PLAAT5: variants seen among roughly 807,000 people sequenced by gnomAD.
PLAAT5 encodes phospholipase A and acyltransferase 5, also known as Ca(2+)-independent N-acyltransferase.
PLAAT5 carries 27 observed loss-of-function variants against 27.8 expected under a neutral mutation model. The observed-to-expected ratio is 0.97, with a 90% confidence interval of 0.72 to 1.34. The LOEUF is 1.34. Ranked by LOEUF, PLAAT5 falls within the 40% of genes most tolerant of loss-of-function variation. The pLI is 0.00. For synonymous variants in PLAAT5, 125 were observed against 136.1 expected, an observed-to-expected ratio of 0.92 and a Z score of 0.57; for missense variants, 368 against 343.8, an observed-to-expected ratio of 1.07 and a Z score of -0.56.
At chr11:63,485,359 C>T (rs2016408411) in intron 3 of PLAAT5, among the ~76,000 whole-genome samples, 1 of 152,198 alleles carries the variant, frequency 6.6e-6, no homozygotes, top group East Asian at 1.9e-4. Context: ...CTTGAGGCAT[C>T]ACATTACCTG....
chr11:63,478,636 C>T (rs548187587), intron 3 of PLAAT5, among the ~76,000 whole-genome samples: 65 of 152,350 alleles, frequency 4.3e-4, no homozygotes, highest in African/African-American at 1.4e-3. Flanking sequence ...TAAATTAACC[C>T]TTCTCAATCT....
intron 3 of PLAAT5, among the ~76,000 whole-genome samples, chr11:63,479,468 T>C (rs1362672674): frequency 6.6e-6 from 1 of 152,244 alleles, no homozygotes; most frequent in Non-Finnish European, 1.5e-5. Context: ...GGTTCAACAT[T>C]TGCATGTGCA....
At chr11:63,470,605 C>T (rs1482438588) in intron 3 of PLAAT5, 1 of 154,276 alleles carries the variant, frequency 6.5e-6, no homozygotes, top group African/African-American at 2.4e-5. Context: ...TGTGGCAAAG[C>T]CTTTAAATGG....
At chr11:63,487,780 A>G (rs2264666) in intron 3 of PLAAT5, among the ~76,000 whole-genome samples, 139,627 of 152,284 alleles carry the variant, frequency 0.92, 64,143 homozygotes, top group African/African-American at 0.97. Context: ...GTATATCCAT[A>G]CAATGAAATA....
At chr11:63,464,305 G>GA (rs2015795457) in intron 5 of PLAAT5, among the ~76,000 whole-genome samples, 1 of 151,914 alleles carries the variant, frequency 6.6e-6, no homozygotes, top group African/African-American at 2.4e-5. Flanking sequence ...AAGAAACATA[G>GA]AAAAAAAATA....
At chr11:63,472,767 A>G (rs921948331) in intron 3 of PLAAT5, among the ~76,000 whole-genome samples, 6 of 152,182 alleles carry the variant, frequency 3.9e-5, no homozygotes, top group African/African-American at 1.2e-4. Flanking sequence ...ATTTTTGTAC[A>G]TTAGCCTTAT....
At chr11:63,477,205 T>C (rs929097343) in intron 3 of PLAAT5, among the ~76,000 whole-genome samples, 1 of 152,006 alleles carries the variant, frequency 6.6e-6, no homozygotes, top group Non-Finnish European at 1.5e-5. Flanking sequence ...TAGGAAACAG[T>C]CTCTACTGTT....
chr11:63,463,352 G>A lies in PLAAT5; in HGVS notation c.*151C>T. 2 of 692,806 alleles carry A rather than the reference G, an allele frequency of 2.9e-6. No individual in the cohort carries two copies. Among genetic ancestry groups the A allele is most frequent in the South Asian group, 3.3e-5 (2 of 61,420 alleles). 42.9% of individuals were successfully genotyped at this position (692,806 alleles called of 1,614,324 possible). A position where few individuals can be genotyped will look rare whatever the true frequency, so the allele number is the denominator to read the frequency against. On this transcript the variant is annotated 3_prime_UTR_variant, in exon 6 of 6. Coordinates refer to ENST00000540857, the MANE Select transcript of PLAAT5 (RefSeq NM_001146729.2). Reference sequence around the variant, plus strand: ...GGGTCTATGCTCGTATATATTGGATGTATTTCTGGAAGGGTAATTGGATAC... The same window carrying A: ...GGGTCTATGCTCGTATATATTGGATATATTTCTGGAAGGGTAATTGGATAC...
intron 2 of PLAAT5, 136 bp downstream of exon 2, chr11:63,490,107 G>GC: frequency 8.8e-7 from 1 of 1,139,908 alleles, no homozygotes; most frequent in Non-Finnish European, 1.3e-6. Flanking sequence ...GATCACACCA[G>GC]CCTTCCCCTT....
chr11:63,487,135 T>C (rs2016454864), intron 3 of PLAAT5, among the ~76,000 whole-genome samples: 1 of 152,176 alleles, frequency 6.6e-6, no homozygotes, highest in Non-Finnish European at 1.5e-5. Context: ...TTCATCAAAA[T>C]TTAAGAACCT....
intron 3 of PLAAT5, among the ~76,000 whole-genome samples, chr11:63,473,205 A>G (rs187100472): frequency 7.9e-5 from 12 of 152,200 alleles, no homozygotes; most frequent in African/African-American, 2.6e-4. Flanking sequence ...CAGATATTTC[A>G]TTTTTTACAG....
At chr11:63,490,603 G>A (rs2016540353) in intron 1 of PLAAT5, 1 of 615,972 alleles carries the variant, frequency 1.6e-6, no homozygotes, top group South Asian at 2.0e-5. Flanking sequence ...TCCTAAGCCC[G>A]ATGGGAGGAA....
intron 3 of PLAAT5, among the ~76,000 whole-genome samples, chr11:63,486,479 G>A (rs185070895): frequency 1.1e-3 from 170 of 152,008 alleles, no homozygotes; most frequent in Middle Eastern, 6.8e-3. Context: ...CTACTCAGCC[G>A]TAAAAAGGAA....
intron 3 of PLAAT5, among the ~76,000 whole-genome samples, chr11:63,479,262 G>A (rs976205421): frequency 1.3e-5 from 2 of 152,168 alleles, no homozygotes; most frequent in African/African-American, 2.4e-5. Flanking sequence ...GCTCTTTCTC[G>A]TCCTTTGAAG....
At chr11:63,483,827 A>ATGTATATATATATATATATATATATATG (rs1385345810) in intron 3 of PLAAT5, among the ~76,000 whole-genome samples, 21 of 109,792 alleles carry the variant, frequency 1.9e-4, no homozygotes, top group African/African-American at 2.7e-4. Flanking sequence ...ATATATATAT[A>ATGTATATATATATATATATATATATATG]TATATATATA....
At position 63,490,944 on chromosome 11, in the gene PLAAT5, T is replaced by C. The variant is rs10897424; in HGVS notation, c.91A>G (p.Ser31Gly). The C allele has an allele frequency of 1, 1,595,506 of 1,599,640 alleles. 795,769 individuals carry two copies. Among genetic ancestry groups the C allele is most frequent in the East Asian group, 1 (43,300 of 43,300 alleles). Residue 31 changes from serine to glycine, a missense_variant, in exon 1 of 6, where the codon AGT becomes GGT. Transcript: ENST00000540857. ...GGCGGCTGGTCCTTGGGCCCGGTACTGGCGGTTCGCGAGGCGGGTTTGGGG... is the reference window on the plus strand; with the variant it reads ...GGCGGCTGGTCCTTGGGCCCGGTACCGGCGGTTCGCGAGGCGGGTTTGGGG... ...PLPKPASRTA[S>G]TGPKDQPPAL...
intron 3 of PLAAT5, among the ~76,000 whole-genome samples, chr11:63,475,631 T>C (rs1174918884): frequency 6.6e-6 from 1 of 152,066 alleles, no homozygotes; most frequent in African/African-American, 2.4e-5. Flanking sequence ...TAAAGTTGGA[T>C]TTATGACTAT....
intron 3 of PLAAT5, among the ~76,000 whole-genome samples, chr11:63,471,294 GA>G (rs926570420): frequency 9.2e-5 from 14 of 152,126 alleles, no homozygotes; most frequent in African/African-American, 3.4e-4. Context: ...AAAACTGTCA[GA>G]TTTTTTTTGT....
intron 3 of PLAAT5, chr11:63,471,048 A>G (rs1211755509): frequency 1.3e-5 from 2 of 152,202 alleles, no homozygotes; most frequent in African/African-American, 4.8e-5. Context: ...TTGCAAAGAA[A>G]CCTTACAGAT....
Sources: allele counts gnomAD v4.1 joint callset (sites outside exome capture counted in the v4.1 genomes callset), GRCh38; gene constraint gnomAD v4.1.1; transcripts MANE v1.5; gene names NCBI Gene and HGNC (gene_info 2026-07-23, HGNC 2026-07-21).